DYNC1I1: variants seen among roughly 807,000 people sequenced by gnomAD.
The protein encoded by DYNC1I1 is cytoplasmic dynein 1 intermediate chain 1.
A neutral mutation model predicts 86.6 loss-of-function variants in DYNC1I1; 43 were observed. The ratio of observed to expected loss-of-function variants is 0.50; its 90% CI spans 0.39 to 0.64. DYNC1I1 has a LOEUF of 0.64. DYNC1I1 is among the 30% of genes least tolerant of loss of function. The pLI, the probability that DYNC1I1 is intolerant of heterozygous loss-of-function variation, is 0.00. For missense variants in DYNC1I1, 604 were observed against 788.8 expected (o/e 0.77, Z 2.81); for synonymous variants, 262 against 283.7 (o/e 0.92, Z 0.77).
intron 6 of DYNC1I1, among the ~76,000 whole-genome samples, chr7:95,904,078 A>T (rs985404360): frequency 1.5e-5 from 2 of 137,910 alleles, no homozygotes; most frequent in Non-Finnish European, 3.4e-5. Context: ...TTCTGGAGGC[A>T]TAGGTACTAG....
chr7:95,781,642 C>T (rs1458601251), intron 1 of DYNC1I1, among the ~76,000 whole-genome samples: 2 of 152,160 alleles, frequency 1.3e-5, no homozygotes, highest in African/African-American at 2.4e-5. Context: ...TCAACACCAC[C>T]GCTACCTTCC....
intron 6 of DYNC1I1, among the ~76,000 whole-genome samples, chr7:95,918,253 C>T (rs1383060155): frequency 6.6e-6 from 1 of 152,048 alleles, no homozygotes; most frequent in East Asian, 1.9e-4. Context: ...TTCTTTATGC[C>T]ACTTCACACC....
chr7:95,982,300 A>G (rs1281226555), intron 7 of DYNC1I1, among the ~76,000 whole-genome samples: 1 of 152,222 alleles, frequency 6.6e-6, no homozygotes, highest in South Asian at 2.1e-4. Flanking sequence ...TATAAAATGT[A>G]TCTTTTGTTT....
chr7:95,900,265 G>A (rs1584141418), intron 6 of DYNC1I1, among the ~76,000 whole-genome samples: 1 of 152,010 alleles, frequency 6.6e-6, no homozygotes, highest in Non-Finnish European at 1.5e-5. Context: ...CTTCCTTCTT[G>A]TGACATTCTG....
intron 9 of DYNC1I1, among the ~76,000 whole-genome samples, chr7:95,987,629 C>G (rs141654750): frequency 4.0e-4 from 61 of 152,252 alleles, no homozygotes; most frequent in African/African-American, 1.4e-3. Context: ...CTCTCAACCC[C>G]TGCTCTTCTT....
chr7:95,959,162 AGGC>A (rs1792796896), intron 6 of DYNC1I1, among the ~76,000 whole-genome samples: 3 of 151,910 alleles, frequency 2.0e-5, no homozygotes, highest in Non-Finnish European at 2.9e-5. Flanking sequence ...GATCTGTGAG[AGGC>A]TATGAATGCT....
At chr7:95,785,812 TATATATTA>T (rs1287306733) in intron 1 of DYNC1I1, among the ~76,000 whole-genome samples, 5 of 125,902 alleles carry the variant, frequency 4.0e-5, no homozygotes, top group Admixed American at 2.4e-4. Flanking sequence ...TATATATATA[TATATATTA>T]TATATAACAG....
intron 6 of DYNC1I1, among the ~76,000 whole-genome samples, chr7:95,965,902 A>G (rs1349820304): frequency 2.6e-5 from 4 of 152,114 alleles, no homozygotes; most frequent in East Asian, 1.9e-4. Context: ...CTACTGCTCA[A>G]TTTAGGTTCC....
intron 1 of DYNC1I1, among the ~76,000 whole-genome samples, chr7:95,803,637 AT>A (rs1252364845): frequency 9.2e-5 from 14 of 152,060 alleles, no homozygotes; most frequent in African/African-American, 3.4e-4. Context: ...ATTCTTTGGT[AT>A]TTTTTTCCTT....
intron 6 of DYNC1I1, among the ~76,000 whole-genome samples, chr7:95,968,482 T>A (rs1793074896): frequency 6.6e-6 from 1 of 152,186 alleles, no homozygotes; most frequent in African/African-American, 2.4e-5. Context: ...TTACTCTTTT[T>A]TAAACTAGTT....
At chr7:95,991,921 C>T (rs2115731100) in intron 9 of DYNC1I1, among the ~76,000 whole-genome samples, 1 of 152,190 alleles carries the variant, frequency 6.6e-6, no homozygotes, top group Admixed American at 6.5e-5. Flanking sequence ...AGTGCAGTGG[C>T]ATGATCTCCC....
chr7:95,947,624 C>T (rs1207574404), intron 6 of DYNC1I1, among the ~76,000 whole-genome samples: 2 of 152,086 alleles, frequency 1.3e-5, no homozygotes, highest in Admixed American at 1.3e-4. Context: ...AATGCATGCA[C>T]CCATAGTGAG....
At chr7:95,999,241 T>A (rs1793951779) in intron 10 of DYNC1I1, among the ~76,000 whole-genome samples, 1 of 152,224 alleles carries the variant, frequency 6.6e-6, no homozygotes, top group Admixed American at 6.5e-5. Flanking sequence ...TTAAATGGAA[T>A]GAATAGAATC....
chr7:95,887,270 C>G (rs1790618456), intron 6 of DYNC1I1, among the ~76,000 whole-genome samples: 1 of 152,166 alleles, frequency 6.6e-6, no homozygotes, highest in African/African-American at 2.4e-5. Flanking sequence ...TTAGAAAGCA[C>G]AGCCGGGATT....
chr7:95,842,239 C>T (rs1789304363), intron 5 of DYNC1I1, among the ~76,000 whole-genome samples: 1 of 152,060 alleles, frequency 6.6e-6, no homozygotes. Flanking sequence ...TAGCCGTGGA[C>T]GGAGAGACAG....
At chr7:96,067,445 C>CT (rs555422571) in intron 14 of DYNC1I1, among the ~76,000 whole-genome samples, 6,662 of 138,686 alleles carry the variant, frequency 0.048, 133 homozygotes, top group South Asian at 0.093. Flanking sequence ...TCTTTCTTTC[C>CT]TTTTTTTTTT....
At chr7:95,941,535 A>G (rs911471112) in intron 6 of DYNC1I1, among the ~76,000 whole-genome samples, 1 of 152,072 alleles carries the variant, frequency 6.6e-6, no homozygotes, top group Non-Finnish European at 1.5e-5. Context: ...CCTCACTGCC[A>G]CCTTGCAGTT....
intron 5 of DYNC1I1, among the ~76,000 whole-genome samples, chr7:95,840,340 C>T (rs1789247433): frequency 1.3e-5 from 2 of 151,994 alleles, no homozygotes; most frequent in African/African-American, 4.8e-5. Context: ...CTTTCTTCTG[C>T]TTAATCAAAT....
chr7:96,049,971 T>TG (rs1269130977), intron 14 of DYNC1I1, among the ~76,000 whole-genome samples: 2 of 150,988 alleles, frequency 1.3e-5, no homozygotes, highest in East Asian at 3.9e-4. Context: ...GGGCACAGGT[T>TG]GCAGTGAGCC....
Sources: gnomAD v4.1 joint callset for allele counts (sites outside exome capture counted in the v4.1 genomes callset) on GRCh38, gnomAD v4.1.1 for gene constraint, MANE v1.5 for transcripts, NCBI Gene and HGNC (gene_info 2026-07-23, HGNC 2026-07-21) for gene names.